FUT8: variants seen among roughly 807,000 people sequenced by gnomAD.
The protein encoded by FUT8 is alpha-(1,6)-fucosyltransferase.
Under a neutral mutation model 71.3 loss-of-function variants are expected in FUT8, and 29 were observed. That is an observed-to-expected ratio of 0.41 (90% CI 0.30 to 0.55). The LOEUF is 0.55. FUT8 is among the 20% of genes least tolerant of loss of function. The pLI, the probability that FUT8 is intolerant of heterozygous loss-of-function variation, is 0.34. For synonymous variants in FUT8, 254 were observed against 239.3 expected, an observed-to-expected ratio of 1.06 and a Z score of -0.57; for missense variants, 544 against 702.1, an observed-to-expected ratio of 0.77 and a Z score of 2.55.
At chr14:65,414,913 T>C (rs1234969451) in intron 1 of FUT8, among the ~76,000 whole-genome samples, 1 of 152,192 alleles carries the variant, frequency 6.6e-6, no homozygotes, top group African/African-American at 2.4e-5. Context: ...ATATAGGTTA[T>C]ATTTTGAGGA....
chr14:65,653,472 C>T (rs1368040433), intron 6 of FUT8, among the ~76,000 whole-genome samples: 1 of 152,044 alleles, frequency 6.6e-6, no homozygotes, highest in African/African-American at 2.4e-5. Context: ...GAAGAAGTGA[C>T]AGAAAACTTC....
chr14:65,577,740 A>C (rs12880841), intron 3 of FUT8, among the ~76,000 whole-genome samples: 1 of 152,152 alleles, frequency 6.6e-6, no homozygotes, highest in South Asian at 2.1e-4. Context: ...TAGGATCTAC[A>C]ATTGTAGGAA....
At chr14:65,407,829 A>G (rs2065093525), upstream of FUT8, among the ~76,000 whole-genome samples, 1 of 152,192 alleles carries the variant, frequency 6.6e-6, no homozygotes, top group African/African-American at 2.4e-5. Context: ...CATCGCCAGT[A>G]GGTTGACTTC....
At position 65,440,207 on chromosome 14, in the gene FUT8, G is replaced by T. The variant is rs573070689; in HGVS notation, c.-325-15414G>T. ...GGTGATTACCAGGAGCTGTCAGCTG[G>T]GGAGAAATGGGGAGATGTGGTTAAA... On this transcript the variant is annotated intron_variant, in intron 1 of 10. Coordinates refer to ENST00000673929, the MANE Select transcript of FUT8 (RefSeq NM_001371533.1). Among the ~76,000 whole-genome samples the T allele has an allele frequency of 4.0e-5, 6 of 151,814 alleles. No homozygotes were observed. The South Asian group carries it at 1.2e-3, about 32-fold the overall frequency.
intron 3 of FUT8, among the ~76,000 whole-genome samples, chr14:65,598,420 G>A (rs867996652): frequency 2.6e-4 from 40 of 152,020 alleles, no homozygotes; most frequent in Admixed American, 1.8e-3. Context: ...ACGGGGTTTC[G>A]CCATATTGGC....
At chr14:65,672,453 T>G (rs1391496781) in intron 7 of FUT8, among the ~76,000 whole-genome samples, 1 of 152,128 alleles carries the variant, frequency 6.6e-6, no homozygotes, top group Non-Finnish European at 1.5e-5. Context: ...ACAATATTTA[T>G]TTATTGTTTT....
intron 2 of FUT8, among the ~76,000 whole-genome samples, chr14:65,555,478 A>T (rs748254680): frequency 6.6e-6 from 1 of 152,154 alleles, no homozygotes; most frequent in Non-Finnish European, 1.5e-5. Flanking sequence ...AGGATCTCCT[A>T]TGCAAATTTT....
At chr14:65,586,439 T>A (rs1280723118) in intron 3 of FUT8, among the ~76,000 whole-genome samples, 1 of 152,164 alleles carries the variant, frequency 6.6e-6, no homozygotes, top group Admixed American at 6.5e-5. Flanking sequence ...ATCATTTAAT[T>A]AGGGTATTGA....
chr14:65,483,076 TC>T lies in FUT8; in HGVS notation c.-228+27359del, dbSNP rs1270439899. ...CCTCAGTTGGATTTGTAACAGAGTA[TC>T]TTTGGTGGGACACTTCTGTGTGAAG... On this transcript the variant is annotated intron_variant, in intron 2 of 10. Coordinates refer to ENST00000673929, the MANE Select transcript of FUT8 (RefSeq NM_001371533.1). The surrounding 1 kb of genome is among the most constrained non-coding windows in gnomAD (Gnocchi z 4.4). 6.6e-6 allele frequency among the ~76,000 whole-genome samples: 1 copy of T among 152,208 alleles called. No individual in the cohort carries two copies. Among genetic ancestry groups the T allele is most frequent in the African/African-American group, 2.4e-5 (1 of 41,456 alleles).
At chr14:65,443,118 G>A (rs1031586895) in intron 1 of FUT8, among the ~76,000 whole-genome samples, 2 of 152,096 alleles carry the variant, frequency 1.3e-5, no homozygotes, top group Non-Finnish European at 2.9e-5. Flanking sequence ...TCTAAAAAAT[G>A]AAGAGTTTTG....
At chr14:65,600,071 G>C (rs1299631932) in intron 3 of FUT8, among the ~76,000 whole-genome samples, 1 of 152,132 alleles carries the variant, frequency 6.6e-6, no homozygotes, top group Non-Finnish European at 1.5e-5. Context: ...TTGATAAACA[G>C]GATTAGTATT....
chr14:65,476,342 G>A (rs2066238971), intron 2 of FUT8, among the ~76,000 whole-genome samples: 2 of 152,142 alleles, frequency 1.3e-5, no homozygotes, highest in South Asian at 2.1e-4. Flanking sequence ...CTAGCATTGT[G>A]CAATGACAAA....
intron 2 of FUT8, among the ~76,000 whole-genome samples, chr14:65,464,415 G>A (rs1167069950): frequency 6.6e-6 from 1 of 152,070 alleles, no homozygotes; most frequent in African/African-American, 2.4e-5. Context: ...GTGGTAAGAA[G>A]GGAAGTCCTT....
intron 3 of FUT8, among the ~76,000 whole-genome samples, chr14:65,598,977 G>A (rs1888151885): frequency 6.6e-6 from 1 of 152,020 alleles, no homozygotes; most frequent in Non-Finnish European, 1.5e-5. Context: ...TTTTAGTAAA[G>A]ATGGGGTTTC....
intron 6 of FUT8, among the ~76,000 whole-genome samples, chr14:65,631,708 T>G (rs1253658809): frequency 6.6e-6 from 1 of 152,044 alleles, no homozygotes; most frequent in Non-Finnish European, 1.5e-5. Context: ...TGGAAAAATA[T>G]TTTTCTTTTT....
At chr14:65,442,269 G>A (rs773318830) in intron 1 of FUT8, among the ~76,000 whole-genome samples, 1 of 151,240 alleles carries the variant, frequency 6.6e-6, no homozygotes, top group Admixed American at 6.6e-5. Flanking sequence ...TCCACCTTCC[G>A]GGTTCAAGTG....
intron 2 of FUT8, among the ~76,000 whole-genome samples, chr14:65,477,924 C>G (rs529332986): frequency 5.9e-5 from 9 of 151,406 alleles, no homozygotes; most frequent in African/African-American, 2.2e-4. Context: ...TTAAACGTTA[C>G]GAGGCATCAG....
the FUT8 span, among the ~76,000 whole-genome samples, chr14:65,369,099 G>T: frequency 4.6e-5 from 7 of 152,008 alleles, no homozygotes; most frequent in African/African-American, 1.7e-4. The surrounding 1 kb of genome is among the most constrained non-coding windows in gnomAD (Gnocchi z 4.6). Flanking sequence ...TATATTTTAC[G>T]TGTAGAGCAC....
At chr14:65,528,532 G>A (rs889284143) in intron 2 of FUT8, among the ~76,000 whole-genome samples, 7 of 152,132 alleles carry the variant, frequency 4.6e-5, no homozygotes, top group Non-Finnish European at 7.3e-5. Flanking sequence ...TTCAGCTCAC[G>A]CTTGGTGGGC....
Sources: gnomAD v4.1 joint callset for allele counts (sites outside exome capture counted in the v4.1 genomes callset) on GRCh38, gnomAD v4.1.1 for gene constraint, Gnocchi (gnomAD v3.1) non-coding constraint, MANE v1.5 for transcripts, NCBI Gene and HGNC (gene_info 2026-07-23, HGNC 2026-07-21) for gene names.